KAZN: variants seen among roughly 807,000 people sequenced by gnomAD.
The protein encoded by KAZN is kazrin.
A neutral mutation model predicts 87.4 loss-of-function variants in KAZN; 40 were observed. The ratio of observed to expected loss-of-function variants is 0.46; its 90% confidence interval spans 0.36 to 0.60. The LOEUF is 0.60. KAZN is among the 20% of genes least tolerant of loss of function. The pLI is 0.00. For synonymous variants in KAZN, 466 were observed against 458.3 expected (o/e 1.02, Z -0.22); for missense variants, 898 against 1,073.9 (o/e 0.84, Z 2.29).
chr1:14,385,125 T>A (rs1661750278), intron 2 of KAZN, among the ~76,000 whole-genome samples: 1 of 152,130 alleles, frequency 6.6e-6, no homozygotes, highest in African/African-American at 2.4e-5. Flanking sequence ...TAGTATTCTC[T>A]GATGGTAGTT....
At chr1:14,881,450 T>C (rs1214828664) in intron 1 of KAZN, among the ~76,000 whole-genome samples, 1 of 152,234 alleles carries the variant, frequency 6.6e-6, no homozygotes, top group Non-Finnish European at 1.5e-5. Flanking sequence ...GGAAATAAAC[T>C]TTCTGTGACC....
At chr1:14,067,868 C>T (rs932450044) in intron 1 of KAZN, among the ~76,000 whole-genome samples, 2 of 152,226 alleles carry the variant, frequency 1.3e-5, no homozygotes, top group Non-Finnish European at 2.9e-5. Context: ...GGCAGACTCA[C>T]CCCATGTGGT....
intron 2 of KAZN, among the ~76,000 whole-genome samples, chr1:14,376,574 A>G (rs2101034067): frequency 6.6e-6 from 1 of 152,334 alleles, no homozygotes; most frequent in East Asian, 1.9e-4. Flanking sequence ...CAGAACCATG[A>G]GCCAAATAAA....
chr1:14,112,056 C>T (rs556328429), intron 1 of KAZN, among the ~76,000 whole-genome samples: 5 of 152,208 alleles, frequency 3.3e-5, no homozygotes, highest in African/African-American at 1.2e-4. Context: ...TAGATTCTAA[C>T]TTCTGGCCTG....
chr1:14,732,314 G>A (rs1358088929), intron 1 of KAZN, among the ~76,000 whole-genome samples: 1 of 152,126 alleles, frequency 6.6e-6, no homozygotes, highest in Non-Finnish European at 1.5e-5. Context: ...AGGCACACAA[G>A]TTCCATTTGT....
chr1:14,875,331 C>CA lies in KAZN; in HGVS notation c.227-85329dup, dbSNP rs58205013. On this transcript the variant is annotated intron_variant, in intron 1 of 14. Coordinates refer to ENST00000376030, the MANE Select transcript of KAZN (RefSeq NM_201628.3). The stretch of plus-strand genomic sequence containing the variant: ...GGGCAACAAGAGTGAAACTCTGTCT[C>CA]AAAAAAAAAAAAAAAAAAAAAAAAT... 8.0e-3 allele frequency among the ~76,000 whole-genome samples: 694 copies of CA among 86,852 alleles called. 8 individuals carry two copies. The highest frequency in any genetic ancestry group is 0.018 in the African/African-American group (414 of 22,912). The allele number at this position is 86,852 out of a possible 152,430, so 57.0% of individuals were successfully genotyped here.
Position 15,103,455 on chromosome 1 carries a change from C to T in KAZN, c.1876C>T (p.Leu626=). Residue 626 remains leucine, a synonymous_variant, in exon 12 of 15, where the codon CTG becomes TTG. Coordinates refer to ENST00000376030, the MANE Select transcript of KAZN (RefSeq NM_201628.3). Reference sequence around the variant, plus strand: ...GCTCAAGTGGGTTCGAGACATCGACCTGAAGGTGAGGGTGATAGCGGAGGT... The same window carrying T: ...GCTCAAGTGGGTTCGAGACATCGACTTGAAGGTGAGGGTGATAGCGGAGGT... ...RVLKWVRDID[L]KEYADNLTNS... 1 of 1,547,862 alleles carries T rather than the reference C, an allele frequency of 6.5e-7. No homozygotes were observed. The highest frequency in any genetic ancestry group is 1.2e-5 in the South Asian group (1 of 84,044).
intron 2 of KAZN, among the ~76,000 whole-genome samples, chr1:14,468,370 C>A (rs1389851538): frequency 1.3e-5 from 2 of 152,156 alleles, no homozygotes; most frequent in Admixed American, 6.5e-5. Flanking sequence ...CCTTTATATA[C>A]CCGGTCTTAC....
chr1:13,908,271 A>G (rs1232718842), intron 1 of KAZN, among the ~76,000 whole-genome samples: 2 of 151,992 alleles, frequency 1.3e-5, no homozygotes, highest in African/African-American at 4.8e-5. Context: ...GTTTAGAAAG[A>G]CTCTCTTGCC....
intron 2 of KAZN, among the ~76,000 whole-genome samples, chr1:14,194,624 T>C (rs1370781318): frequency 6.6e-6 from 1 of 152,126 alleles, no homozygotes; most frequent in African/African-American, 2.4e-5. Flanking sequence ...TCTGGGAAAG[T>C]ACAGTGTTTT....
At chr1:14,852,328 C>T (rs898454035) in intron 1 of KAZN, among the ~76,000 whole-genome samples, 2 of 152,254 alleles carry the variant, frequency 1.3e-5, no homozygotes, top group Admixed American at 1.3e-4. Context: ...GTGGACACAG[C>T]AGGCTTTCCA....
intron 1 of KAZN, among the ~76,000 whole-genome samples, chr1:14,841,667 G>A (rs571933429): frequency 6.6e-6 from 1 of 152,200 alleles, no homozygotes; most frequent in Non-Finnish European, 1.5e-5. Flanking sequence ...ATCAGCAGCA[G>A]TGGGAGGATC....
chr1:14,227,592 C>T (rs1400751142), intron 2 of KAZN, among the ~76,000 whole-genome samples: 1 of 152,064 alleles, frequency 6.6e-6, no homozygotes, highest in Non-Finnish European at 1.5e-5. Flanking sequence ...CATGACTTAG[C>T]CTCCAAAGTC....
chr1:14,960,590 C>T, intron 1 of KAZN, 94 bp from the exon 2 acceptor site: 2 of 1,375,804 alleles, frequency 1.5e-6, no homozygotes, highest in Non-Finnish European at 9.9e-7. Flanking sequence ...GCAGAGCAAA[C>T]AAAAAAGCCA....
At chr1:14,733,611 C>T (rs999392007) in intron 1 of KAZN, among the ~76,000 whole-genome samples, 5 of 151,862 alleles carry the variant, frequency 3.3e-5, no homozygotes, top group African/African-American at 1.2e-4. Flanking sequence ...ATACAAGGAG[C>T]AGTTCAAGTG....
chr1:15,083,545 T>G (rs558991187), intron 8 of KAZN, among the ~76,000 whole-genome samples: 44 of 152,184 alleles, frequency 2.9e-4, no homozygotes, highest in Admixed American at 7.2e-4. Context: ...CTGTACGGTT[T>G]GGTAGAGCAG....
chr1:14,587,196 A>T (rs1419116850), intron 2 of KAZN, among the ~76,000 whole-genome samples: 1 of 152,052 alleles, frequency 6.6e-6, no homozygotes, highest in South Asian at 2.1e-4. Context: ...AGCACTTTGG[A>T]AGGCCAAGGA....
At chr1:14,263,842 C>T (rs1055003708) in intron 2 of KAZN, among the ~76,000 whole-genome samples, 6 of 152,312 alleles carry the variant, frequency 3.9e-5, no homozygotes, top group South Asian at 2.1e-4. Context: ...TGGCACAAAT[C>T]GCTAAGAATG....
chr1:14,041,470 T>A (rs1447037457), intron 1 of KAZN, among the ~76,000 whole-genome samples: 1 of 152,212 alleles, frequency 6.6e-6, no homozygotes, highest in Admixed American at 6.5e-5. Flanking sequence ...CCAATAGCTG[T>A]ATAGAATGCT....
Sources: allele counts gnomAD v4.1 joint callset (sites outside exome capture counted in the v4.1 genomes callset), GRCh38; gene constraint gnomAD v4.1.1; transcripts MANE v1.5; gene names NCBI Gene and HGNC (gene_info 2026-07-23, HGNC 2026-07-21).